Variants in LHFPL3 observed in about 807,000 individuals in gnomAD.
LHFPL3 encodes the protein LHFPL tetraspan subfamily member 3, also known as LHFPL tetraspan subfamily member 3 protein.
Under a neutral mutation model 19.3 loss-of-function variants are expected in LHFPL3, and 5 were observed. That is an observed-to-expected ratio of 0.26 (90% CI 0.14 to 0.54). LHFPL3 has a LOEUF of 0.54. Among genes scored for constraint, LHFPL3 ranks in the 20% least tolerant of loss-of-function variants. The probability of loss-of-function intolerance (pLI) is 0.94; values close to 1 mark genes in which losing one functional copy is unlikely to be tolerated. For missense variants in LHFPL3, 249 were observed against 307.4 expected (o/e 0.81, Z 1.42); for synonymous variants, 133 against 126.2 (o/e 1.05, Z -0.36).
chr7:104,686,367 T>A (rs1478245725), intron 1 of LHFPL3, among the ~76,000 whole-genome samples: 2 of 152,160 alleles, frequency 1.3e-5, no homozygotes, highest in East Asian at 3.9e-4. Flanking sequence ...GCAATGCAGG[T>A]GTGGGAGCAG....
intron 1 of LHFPL3, among the ~76,000 whole-genome samples, chr7:104,592,769 G>A (rs1197455493): frequency 1.3e-5 from 2 of 152,096 alleles, no homozygotes; most frequent in African/African-American, 2.4e-5. Context: ...CAGCTTCCTG[G>A]CAGCTTTGTT....
intron 2 of LHFPL3, among the ~76,000 whole-genome samples, chr7:104,746,583 A>C (rs1331385663): frequency 6.6e-6 from 1 of 152,236 alleles, no homozygotes; most frequent in Non-Finnish European, 1.5e-5. Context: ...GGCTAAAAAA[A>C]TCACATTTCT....
chr7:104,646,385 A>G (rs573224722), intron 1 of LHFPL3, among the ~76,000 whole-genome samples: 54 of 152,348 alleles, frequency 3.5e-4, no homozygotes, highest in Non-Finnish European at 6.8e-4. Context: ...GCTATCATCA[A>G]CATCATTGTG....
chr7:104,588,041 A>G (rs1790620241), intron 1 of LHFPL3, among the ~76,000 whole-genome samples: 1 of 152,068 alleles, frequency 6.6e-6, no homozygotes, highest in South Asian at 2.1e-4. Flanking sequence ...AGTAGATTGT[A>G]AAAATTTTCT....
At chr7:104,350,912 C>T (rs769718692) in intron 1 of LHFPL3, among the ~76,000 whole-genome samples, 4 of 151,920 alleles carry the variant, frequency 2.6e-5, no homozygotes, top group East Asian at 1.9e-4. Flanking sequence ...TGGTGGCTTA[C>T]GCCTGTAATC....
chr7:104,359,606 C>T (rs1790352339), intron 1 of LHFPL3, among the ~76,000 whole-genome samples: 1 of 152,206 alleles, frequency 6.6e-6, no homozygotes, highest in Non-Finnish European at 1.5e-5. Context: ...ACATAGGAAA[C>T]CATAAGCAGC....
intron 1 of LHFPL3, among the ~76,000 whole-genome samples, chr7:104,579,970 T>G (rs1790425560): frequency 6.6e-6 from 1 of 152,190 alleles, no homozygotes; most frequent in African/African-American, 2.4e-5. Flanking sequence ...AAACTCAAAA[T>G]TTAGCTCTTT....
At chr7:104,875,299 C>A (rs1791916358) in intron 2 of LHFPL3, among the ~76,000 whole-genome samples, 2 of 152,142 alleles carry the variant, frequency 1.3e-5, no homozygotes, top group Admixed American at 1.3e-4. Context: ...ATGTTCCTTT[C>A]TTTGACTACC....
At chr7:104,648,137 AG>A (rs1791964500) in intron 1 of LHFPL3, among the ~76,000 whole-genome samples, 1 of 152,210 alleles carries the variant, frequency 6.6e-6, no homozygotes, top group African/African-American at 2.4e-5. Flanking sequence ...TATAGATCAA[AG>A]CATGAAGATA....
At chr7:104,471,738 C>T (rs1792910005) in intron 1 of LHFPL3, among the ~76,000 whole-genome samples, 1 of 152,160 alleles carries the variant, frequency 6.6e-6, no homozygotes, top group South Asian at 2.1e-4. Context: ...CAGAAAGCTG[C>T]ATAATGTAAT....
At chr7:104,799,986 T>C (rs1790209608) in intron 2 of LHFPL3, 1 of 152,668 alleles carries the variant, frequency 6.6e-6, no homozygotes. Flanking sequence ...AGGAGTCTTC[T>C]ATTTTGTTCT....
chr7:104,333,432 G>A (rs1278246102), intron 1 of LHFPL3, among the ~76,000 whole-genome samples: 3 of 152,102 alleles, frequency 2.0e-5, no homozygotes, highest in Admixed American at 6.6e-5. Context: ...GAGAGATGAG[G>A]ACAGAATGGG....
chr7:104,625,282 C>T (rs1791520983), intron 1 of LHFPL3, among the ~76,000 whole-genome samples: 1 of 152,212 alleles, frequency 6.6e-6, no homozygotes, highest in African/African-American at 2.4e-5. Flanking sequence ...TTAATTATGA[C>T]ATTCATTCAA....
At chr7:104,670,267 G>A (rs543245633) in intron 1 of LHFPL3, among the ~76,000 whole-genome samples, 1 of 151,950 alleles carries the variant, frequency 6.6e-6, no homozygotes, top group Non-Finnish European at 1.5e-5. Context: ...GGGAATTGAT[G>A]AGTCATTTTG....
intron 2 of LHFPL3, among the ~76,000 whole-genome samples, chr7:104,865,324 T>TG (rs1057476766): frequency 1.9e-4 from 29 of 151,852 alleles, no homozygotes; most frequent in African/African-American, 6.5e-4. Flanking sequence ...TTAAAAACCT[T>TG]GAAAAAAAAA....
At chr7:104,417,549 G>T (rs777085098) in intron 1 of LHFPL3, among the ~76,000 whole-genome samples, 5 of 152,014 alleles carry the variant, frequency 3.3e-5, no homozygotes, top group Non-Finnish European at 5.9e-5. Flanking sequence ...GGGGTCTTGT[G>T]TTTTTTAAAG....
intron 1 of LHFPL3, among the ~76,000 whole-genome samples, chr7:104,427,651 GT>G: frequency 6.6e-6 from 1 of 152,264 alleles, no homozygotes; most frequent in East Asian, 1.9e-4. Flanking sequence ...GGCTGATTGG[GT>G]CCCCATTAGG....
At chr7:104,573,483 T>C (rs1485731646) in intron 1 of LHFPL3, among the ~76,000 whole-genome samples, 1 of 151,928 alleles carries the variant, frequency 6.6e-6, no homozygotes, top group Non-Finnish European at 1.5e-5. Flanking sequence ...TGATTGGCTA[T>C]TAAATGGTAT....
intron 2 of LHFPL3, among the ~76,000 whole-genome samples, chr7:104,824,609 A>ATTATATATATATTATT (rs1562804860): frequency 1.5e-4 from 10 of 67,968 alleles, no homozygotes; most frequent in African/African-American, 5.6e-4. Flanking sequence ...ATTATATATA[A>ATTATATATATATTATT]TTATATATAT....
Sources: allele counts gnomAD v4.1 joint callset (sites outside exome capture counted in the v4.1 genomes callset), GRCh38; gene constraint gnomAD v4.1.1; transcripts MANE v1.5; gene names NCBI Gene and HGNC (gene_info 2026-07-23, HGNC 2026-07-21).